CHSY3: variants seen among roughly 807,000 people sequenced by gnomAD.
CHSY3 encodes the protein chondroitin sulfate synthase 3.
Under a neutral mutation model 67.2 loss-of-function variants are expected in CHSY3, and 35 were observed. That is an observed-to-expected ratio of 0.52 (90% confidence interval 0.40 to 0.69). The LOEUF is 0.69. Ranked by LOEUF, CHSY3 falls within the 30% of genes least tolerant of loss-of-function variation. The pLI, the probability that CHSY3 is intolerant of heterozygous loss-of-function variation, is 0.00. For missense variants in CHSY3, 1,069 were observed against 1,138.5 expected (o/e 0.94, Z 0.88); for synonymous variants, 474 against 434.7 (o/e 1.09, Z -1.12).
intron 2 of CHSY3, among the ~76,000 whole-genome samples, chr5:129,998,579 T>C (rs1030899761): frequency 6.6e-6 from 1 of 152,178 alleles, no homozygotes; most frequent in Admixed American, 6.5e-5. Flanking sequence ...GGTTGATTGC[T>C]CAAATTTATA....
At chr5:129,972,287 A>C (rs1387515732) in intron 2 of CHSY3, among the ~76,000 whole-genome samples, 3 of 152,010 alleles carry the variant, frequency 2.0e-5, no homozygotes, top group Non-Finnish European at 4.4e-5. Flanking sequence ...GCAGAAAGAT[A>C]AAAGATGAAA....
In CHSY3 at chr5:130,024,522, C is replaced by T. The variant is rs1051343403; in HGVS notation, c.1086+116162C>T. Among the ~76,000 whole-genome samples, 4 of 152,082 alleles carry T rather than the reference C, an allele frequency of 2.6e-5. No individual in the cohort carries two copies. In the South Asian group the frequency reaches 6.2e-4, roughly 24 times the overall value. On this transcript the variant is annotated intron_variant, in intron 2 of 2. Coordinates refer to ENST00000305031, the MANE Select transcript of CHSY3 (RefSeq NM_175856.5). Reference sequence around the variant, plus strand: ...GACCCTGACTTTCTGCAGTGTGCTGCTCTTTCATGGTGACATCTAATCTGT... The same window carrying T: ...GACCCTGACTTTCTGCAGTGTGCTGTTCTTTCATGGTGACATCTAATCTGT...
intron 2 of CHSY3, among the ~76,000 whole-genome samples, chr5:129,911,131 G>T (rs1760530790): frequency 6.6e-6 from 1 of 151,502 alleles, no homozygotes; most frequent in South Asian, 2.1e-4. Flanking sequence ...CGTGCTTACA[G>T]ATCTTATAAA....
At chr5:130,143,814 A>ATATATATATATATATATATATGTGTG (rs1768984485) in intron 2 of CHSY3, among the ~76,000 whole-genome samples, 1 of 86,578 alleles carries the variant, frequency 1.2e-5, no homozygotes, top group Non-Finnish European at 2.3e-5. Context: ...ATGTGTGTAT[A>ATATATATATATATATATATATGTGTG]TATATATATA....
chr5:130,057,239 C>G (rs1371327567), intron 2 of CHSY3, among the ~76,000 whole-genome samples: 2 of 151,778 alleles, frequency 1.3e-5, no homozygotes, highest in Non-Finnish European at 2.9e-5. Flanking sequence ...TTTAGCATTT[C>G]TTTTTTTAAA....
At chr5:130,058,724 A>G (rs1343983997) in intron 2 of CHSY3, among the ~76,000 whole-genome samples, 1 of 152,232 alleles carries the variant, frequency 6.6e-6, no homozygotes, top group Non-Finnish European at 1.5e-5. Context: ...TGGCTGTCAT[A>G]TTACCACAAA....
At chr5:130,061,386 G>A (rs1461025530) in intron 2 of CHSY3, among the ~76,000 whole-genome samples, 4 of 151,598 alleles carry the variant, frequency 2.6e-5, no homozygotes, top group East Asian at 3.9e-4. Context: ...TTATCTCTTC[G>A]CATATACAAA....
chr5:130,144,199 A>G (rs553682653), intron 2 of CHSY3, among the ~76,000 whole-genome samples: 5 of 151,992 alleles, frequency 3.3e-5, no homozygotes, highest in Non-Finnish European at 5.9e-5. Flanking sequence ...CTTTTGATAT[A>G]AATAATAGTA....
intron 2 of CHSY3, among the ~76,000 whole-genome samples, chr5:130,075,861 A>T (rs552735092): frequency 4.6e-5 from 7 of 152,138 alleles, no homozygotes; most frequent in African/African-American, 1.7e-4. Flanking sequence ...CTCAAATTCA[A>T]TGATGTACCA....
At chr5:130,128,253 T>TGTGTGTGTGCGCGC (rs760472284) in intron 2 of CHSY3, among the ~76,000 whole-genome samples, 1 of 151,030 alleles carries the variant, frequency 6.6e-6, no homozygotes, top group South Asian at 2.1e-4. Flanking sequence ...TGTGTGTGTG[T>TGTGTGTGTGCGCGC]GCGCTCACAT....
intron 2 of CHSY3, among the ~76,000 whole-genome samples, chr5:130,063,119 C>T (rs988412759): frequency 1.3e-5 from 2 of 151,760 alleles, no homozygotes; most frequent in Admixed American, 1.3e-4. Flanking sequence ...ATTTTCTTAC[C>T]ATTTTAAAAC....
intron 2 of CHSY3, among the ~76,000 whole-genome samples, chr5:130,100,442 G>A (rs1429041067): frequency 1.3e-5 from 2 of 150,514 alleles, no homozygotes; most frequent in Admixed American, 6.7e-5. Context: ...TGATCCGCCC[G>A]CCTCGGCCTC....
intron 2 of CHSY3, among the ~76,000 whole-genome samples, chr5:130,092,348 C>T (rs1177665332): frequency 6.6e-6 from 1 of 152,152 alleles, no homozygotes; most frequent in Non-Finnish European, 1.5e-5. Flanking sequence ...GGCAGGCCTA[C>T]ACTACTAATA....
chr5:129,944,397 T>G (rs1021014045), intron 2 of CHSY3, among the ~76,000 whole-genome samples: 1 of 150,090 alleles, frequency 6.7e-6, no homozygotes, highest in Non-Finnish European at 1.5e-5. Context: ...ATTAACGAAT[T>G]TTTTTTTTTT....
intron 2 of CHSY3, among the ~76,000 whole-genome samples, chr5:130,143,657 A>G (rs983627260): frequency 2.0e-5 from 3 of 149,158 alleles, no homozygotes; most frequent in African/African-American, 7.4e-5. Flanking sequence ...CTTTTGGTGA[A>G]CATATGTACA....
chr5:130,173,090 C>T (rs1300888840), intron 2 of CHSY3, among the ~76,000 whole-genome samples: 1 of 151,778 alleles, frequency 6.6e-6, no homozygotes, highest in Admixed American at 6.6e-5. Flanking sequence ...ATGCACTGCT[C>T]GCTTATTATC....
chr5:130,039,379 C>T (rs966481985), intron 2 of CHSY3, among the ~76,000 whole-genome samples: 1 of 134,076 alleles, frequency 7.5e-6, no homozygotes, highest in African/African-American at 2.6e-5. Context: ...GTAGTCCTAG[C>T]GACTTGGGTG....
intron 2 of CHSY3, among the ~76,000 whole-genome samples, chr5:130,161,541 C>T (rs898875548): frequency 6.6e-6 from 1 of 152,142 alleles, no homozygotes; most frequent in Non-Finnish European, 1.5e-5. Flanking sequence ...TTAATGTAGA[C>T]ATTAACTTTA....
At chr5:130,130,930 G>C (rs1174854869) in intron 2 of CHSY3, among the ~76,000 whole-genome samples, 1 of 152,148 alleles carries the variant, frequency 6.6e-6, no homozygotes, top group Non-Finnish European at 1.5e-5. Flanking sequence ...ATCTGGGTAT[G>C]ATTCTCCATA....
Sources: allele counts gnomAD v4.1 joint callset (sites outside exome capture counted in the v4.1 genomes callset), GRCh38; gene constraint gnomAD v4.1.1; transcripts MANE v1.5; gene names NCBI Gene and HGNC (gene_info 2026-07-23, HGNC 2026-07-21).